Variants in GNAL observed in about 807,000 individuals in gnomAD.
GNAL encodes the protein guanine nucleotide-binding protein G(olf) subunit alpha.
GNAL carries 18 observed loss-of-function variants against 55.1 expected under a neutral mutation model. That is an observed-to-expected ratio of 0.33 (90% CI 0.23 to 0.48). GNAL has a LOEUF of 0.48. GNAL is among the 20% of genes least tolerant of loss of function. GNAL has a pLI of 0.99. For synonymous variants in GNAL, 253 were observed against 237.0 expected, an observed-to-expected ratio of 1.07 and a Z score of -0.62; for missense variants, 412 against 614.1, an observed-to-expected ratio of 0.67 and a Z score of 3.48.
At chr18:11,764,099 G>GT (rs963095823) in intron 4 of GNAL, among the ~76,000 whole-genome samples, 2 of 150,738 alleles carry the variant, frequency 1.3e-5, no homozygotes, top group Non-Finnish European at 2.9e-5. Context: ...CAAATATCCT[G>GT]TTTTTTTGTT....
rs1429936586 is a variant in GNAL at position 11,884,731 on chromosome 18, G to C, written c.*3596G>C. ...AGACTGCCTTCTCAGGTCCCCCTCAGGTGAGGCAGGGAACGGGCCCTCCTC... is the reference window on the plus strand; with the variant it reads ...AGACTGCCTTCTCAGGTCCCCCTCACGTGAGGCAGGGAACGGGCCCTCCTC... On this transcript the variant is annotated 3_prime_UTR_variant, in exon 12 of 12. Coordinates refer to ENST00000334049, the MANE Select transcript of GNAL (RefSeq NM_182978.4). 2.2e-6 allele frequency: 3 copies of C among 1,370,378 alleles called. No homozygotes were observed. The Admixed American group carries it at 6.4e-5, about 29-fold the overall frequency. The allele number at this position is 1,370,378 out of a possible 1,614,324, so 84.9% of individuals were successfully genotyped here. A position where few individuals can be genotyped will look rare whatever the true frequency, so the allele number is the denominator to read the frequency against.
intron 5 of GNAL, among the ~76,000 whole-genome samples, chr18:11,850,045 C>T (rs1598426708): frequency 6.6e-6 from 1 of 152,192 alleles, no homozygotes; most frequent in African/African-American, 2.4e-5. Flanking sequence ...TTTTGAAGGA[C>T]TGGCAGGGTG....
intron 5 of GNAL, among the ~76,000 whole-genome samples, chr18:11,836,928 T>C (rs2035510405): frequency 6.6e-6 from 1 of 152,148 alleles, no homozygotes; most frequent in Non-Finnish European, 1.5e-5. Flanking sequence ...CCACTTCATA[T>C]CTTGAACCTA....
At chr18:11,840,622 A>G (rs1009041390) in intron 5 of GNAL, among the ~76,000 whole-genome samples, 2 of 152,020 alleles carry the variant, frequency 1.3e-5, no homozygotes, top group Non-Finnish European at 2.9e-5. Flanking sequence ...GAGTCCTCAG[A>G]CTTCCCTTTG....
At chr18:11,749,297 T>C (rs1278631366) in intron 1 of GNAL, among the ~76,000 whole-genome samples, 1 of 152,234 alleles carries the variant, frequency 6.6e-6, no homozygotes, top group African/African-American at 2.4e-5. Flanking sequence ...ACTTTTAGCC[T>C]AGCTCAGAAT....
chr18:11,723,617 G>A (rs1598412229), intron 1 of GNAL, among the ~76,000 whole-genome samples: 1 of 152,212 alleles, frequency 6.6e-6, no homozygotes. Flanking sequence ...ACACACAAAG[G>A]TGGTGTCATC....
At chr18:11,738,182 C>A (rs1040941201) in intron 1 of GNAL, among the ~76,000 whole-genome samples, 1 of 152,196 alleles carries the variant, frequency 6.6e-6, no homozygotes, top group Admixed American at 6.5e-5. Context: ...CTCTGGCTGC[C>A]GGGCTCCCAA....
intron 4 of GNAL, among the ~76,000 whole-genome samples, chr18:11,772,395 A>G (rs186257812): frequency 8.3e-4 from 126 of 152,326 alleles, no homozygotes; most frequent in Non-Finnish European, 1.4e-3. Context: ...AGGAGACTGC[A>G]TCTTTGCAGG....
At chr18:11,740,260 C>T (rs11660275) in intron 1 of GNAL, among the ~76,000 whole-genome samples, 2 of 152,038 alleles carry the variant, frequency 1.3e-5, no homozygotes, top group African/African-American at 2.4e-5. Flanking sequence ...GTACCCCCAG[C>T]ATTTTGGGGC....
At chr18:11,709,730 G>A (rs1441455477) in intron 1 of GNAL, among the ~76,000 whole-genome samples, 1 of 152,040 alleles carries the variant, frequency 6.6e-6, no homozygotes. Flanking sequence ...GTATGTATAA[G>A]ATCATGCCAT....
chr18:11,807,682 G>A (rs908483700), intron 4 of GNAL, among the ~76,000 whole-genome samples: 3 of 152,210 alleles, frequency 2.0e-5, no homozygotes, highest in Non-Finnish European at 2.9e-5. Context: ...AGCTGGAGAT[G>A]TCCATTTGGA....
Position 11,884,978 on chromosome 18 carries a change from G to T in GNAL, c.*3843G>T. ...GCACCGTGGAGTTCCAGGGTCATCG[G>T]TCAGCGAGGAACAAGGAGGGAAAGG... is the stretch of plus-strand genomic sequence containing the variant. On this transcript the variant is annotated 3_prime_UTR_variant, in exon 12 of 12. Transcript: ENST00000334049. 2.3e-6 allele frequency: 3 copies of T among 1,303,498 alleles called. No homozygotes were observed. In the South Asian group the frequency reaches 3.8e-5, roughly 16 times the overall value. 80.7% of individuals were successfully genotyped at this position (1,303,498 alleles called of 1,614,324 possible). A position where few individuals can be genotyped will look rare whatever the true frequency, so the allele number is the denominator to read the frequency against.
At chr18:11,712,826 G>A (rs2031869484) in intron 1 of GNAL, among the ~76,000 whole-genome samples, 1 of 152,170 alleles carries the variant, frequency 6.6e-6, no homozygotes, top group Non-Finnish European at 1.5e-5. Context: ...CTTGCTCGTA[G>A]TAGCTGCCTT....
At chr18:11,826,588 G>A (rs1042153828) in intron 5 of GNAL, among the ~76,000 whole-genome samples, 7 of 152,196 alleles carry the variant, frequency 4.6e-5, no homozygotes, top group Admixed American at 1.3e-4. Flanking sequence ...GACCCTGTGG[G>A]GTGCCTTGGG....
chr18:11,786,436 CTTTTTTTTTTTTTTTTT>C (rs66803403), intron 4 of GNAL, among the ~76,000 whole-genome samples: 1 of 60,616 alleles, frequency 1.6e-5, no homozygotes, highest in African/African-American at 7.0e-5. Flanking sequence ...CATACGTTTT[CTTTTTTTTTTTTTTTTT>C]TTTTTTTTTT....
intron 1 of GNAL, among the ~76,000 whole-genome samples, chr18:11,716,937 G>A (rs985833839): frequency 1.3e-5 from 2 of 152,194 alleles, no homozygotes; most frequent in African/African-American, 2.4e-5. Flanking sequence ...AGTCCCGCAC[G>A]GTTGTGCCCA....
intron 11 of GNAL, among the ~76,000 whole-genome samples, chr18:11,880,430 G>A (rs189974969): frequency 5.7e-4 from 87 of 151,770 alleles, no homozygotes; most frequent in African/African-American, 1.8e-3. Flanking sequence ...TTAGCCAGGC[G>A]TGGGCACGGT....
intron 7 of GNAL, among the ~76,000 whole-genome samples, chr18:11,866,368 A>C (rs1227659806): frequency 1.3e-5 from 2 of 150,434 alleles, no homozygotes; most frequent in Non-Finnish European, 2.9e-5. Context: ...CCTAAGGCAC[A>C]TGCATTATGT....
chr18:11,787,060 C>T (rs1438944880), intron 4 of GNAL, among the ~76,000 whole-genome samples: 3 of 152,098 alleles, frequency 2.0e-5, no homozygotes, highest in Non-Finnish European at 4.4e-5. Flanking sequence ...GGCAACAACA[C>T]AGCGAGACCT....
Sources: allele counts gnomAD v4.1 joint callset (sites outside exome capture counted in the v4.1 genomes callset), GRCh38; gene constraint gnomAD v4.1.1; transcripts MANE v1.5; gene names NCBI Gene and HGNC (gene_info 2026-07-23, HGNC 2026-07-21).